Variants in CALCR observed in about 807,000 individuals in gnomAD.
CALCR encodes calcitonin receptor.
In CALCR, 47 loss-of-function variants were observed where a neutral mutation model predicts 59.5. The ratio of observed to expected loss-of-function variants is 0.79; its 90% CI spans 0.63 to 1.01. The LOEUF is 1.01. CALCR is among the 50% of genes least tolerant of loss of function. The pLI, the probability that CALCR is intolerant of heterozygous loss-of-function variation, is 0.00. For synonymous variants in CALCR, 213 were observed against 211.3 expected (o/e 1.01, Z -0.07); for missense variants, 566 against 597.1 (o/e 0.95, Z 0.54).
At chr7:93,521,623 C>A (rs995104047) in intron 2 of CALCR, among the ~76,000 whole-genome samples, 1 of 151,988 alleles carries the variant, frequency 6.6e-6, no homozygotes, top group African/African-American at 2.4e-5. Context: ...CTAAACCATT[C>A]TTTTTGTAGC....
intron 2 of CALCR, among the ~76,000 whole-genome samples, chr7:93,563,501 A>C (rs888055420): frequency 3.3e-5 from 5 of 152,182 alleles, no homozygotes; most frequent in African/African-American, 1.2e-4. Context: ...ATTTGACTCT[A>C]ATTTTTATGA....
intron 2 of CALCR, among the ~76,000 whole-genome samples, chr7:93,528,568 G>C (rs1788742667): frequency 6.6e-6 from 1 of 152,048 alleles, no homozygotes; most frequent in Non-Finnish European, 1.5e-5. Flanking sequence ...GAGAATGATG[G>C]TTTCTAAAAA....
At chr7:93,479,216 C>T (rs771407306) in intron 4 of CALCR, 138 bp downstream of exon 4, 6 of 875,346 alleles carry the variant, frequency 6.9e-6, no homozygotes, top group Non-Finnish European at 8.8e-6. Context: ...ATGAAATACA[C>T]AAACATACCA....
chr7:93,463,522 T>C (rs1800382628), intron 7 of CALCR, among the ~76,000 whole-genome samples: 1 of 151,970 alleles, frequency 6.6e-6, no homozygotes, highest in Admixed American at 6.6e-5. Context: ...ATTGCAAATT[T>C]TTCAAAATTC....
intron 2 of CALCR, among the ~76,000 whole-genome samples, chr7:93,530,954 T>G (rs994306610): frequency 6.6e-6 from 1 of 152,052 alleles, no homozygotes; most frequent in African/African-American, 2.4e-5. Context: ...CCAGAAACTT[T>G]GGTAGTGAGG....
At chr7:93,480,192 C>A (rs1800763280) in intron 3 of CALCR, among the ~76,000 whole-genome samples, 1 of 151,816 alleles carries the variant, frequency 6.6e-6, no homozygotes, top group Non-Finnish European at 1.5e-5. Context: ...TTTTCAGTTT[C>A]AGTTAATCAT....
At chr7:93,535,355 A>G (rs1788957767) in intron 2 of CALCR, among the ~76,000 whole-genome samples, 1 of 151,752 alleles carries the variant, frequency 6.6e-6, no homozygotes, top group East Asian at 1.9e-4. Context: ...TTCCCACTAA[A>G]ATAATTACAC....
intron 2 of CALCR, among the ~76,000 whole-genome samples, chr7:93,514,921 A>G (rs1385319486): frequency 1.3e-5 from 2 of 151,984 alleles, no homozygotes; most frequent in African/African-American, 4.8e-5. Context: ...ATCTAATGGA[A>G]AAGGTAATCT....
At chr7:93,480,937 G>A (rs1256264369) in intron 3 of CALCR, among the ~76,000 whole-genome samples, 3 of 151,790 alleles carry the variant, frequency 2.0e-5, no homozygotes, top group Admixed American at 6.6e-5. Context: ...GCATATTTGA[G>A]GGTAAGAAGG....
At position 93,477,660 on chromosome 7, in the gene CALCR, A is replaced by G; in HGVS notation, c.214T>C (p.Cys72Arg). 1.9e-6 allele frequency: 3 copies of G among 1,601,306 alleles called. No individual in the cohort carries two copies. Among genetic ancestry groups the G allele is most frequent in the Non-Finnish European group, 2.6e-6 (3 of 1,169,344 alleles). The change falls in exon 5 of 14, where the codon TGC becomes CGC. Residue 72 changes from cysteine to arginine, a missense_variant. Cys to Arg is a radical substitution (Grantham distance 180). Coordinates refer to ENST00000426151, the MANE Select transcript of CALCR (RefSeq NM_001742.4). ...AGCCATCCATCCCAGGTGCGATTGCAATATGGACCTGGCCATTTAGAAGGA... is the reference window on the plus strand; with the variant it reads ...AGCCATCCATCCCAGGTGCGATTGCGATATGGACCTGGCCATTTAGAAGGA... ...LPAYQGEGPY[C>R]NRTWDGWLCW...
At chr7:93,460,568 A>G (rs1255499271) in intron 8 of CALCR, among the ~76,000 whole-genome samples, 1 of 80,030 alleles carries the variant, frequency 1.2e-5, no homozygotes, top group Admixed American at 1.2e-4. Flanking sequence ...AAAAAAAAAA[A>G]AAAAATATAT....
At chr7:93,540,943 T>C (rs2116179604) in intron 2 of CALCR, among the ~76,000 whole-genome samples, 1 of 151,930 alleles carries the variant, frequency 6.6e-6, no homozygotes, top group Non-Finnish European at 1.5e-5. Flanking sequence ...AGTTCAATAT[T>C]AATAGCAAAA....
At chr7:93,553,014 G>A (rs767372273) in intron 2 of CALCR, among the ~76,000 whole-genome samples, 4 of 152,130 alleles carry the variant, frequency 2.6e-5, no homozygotes, top group Non-Finnish European at 4.4e-5. Flanking sequence ...GTATCCATCT[G>A]TCTGGCTACA....
chr7:93,534,942 A>T (rs886968980), intron 2 of CALCR, among the ~76,000 whole-genome samples: 8 of 151,780 alleles, frequency 5.3e-5, no homozygotes, highest in African/African-American at 1.7e-4. Context: ...AATCCAGTAG[A>T]GAGACTGACT....
intron 2 of CALCR, among the ~76,000 whole-genome samples, chr7:93,502,862 A>T (rs904593571): frequency 1.3e-5 from 2 of 152,190 alleles, no homozygotes; most frequent in African/African-American, 4.8e-5. Flanking sequence ...GTATGACATA[A>T]TCTGATTTTT....
intron 7 of CALCR, among the ~76,000 whole-genome samples, chr7:93,464,377 A>C (rs530985985): frequency 6.6e-6 from 1 of 152,114 alleles, no homozygotes; most frequent in South Asian, 2.1e-4. Context: ...TTACTGGTGC[A>C]TGGGAAAATA....
intron 8 of CALCR, among the ~76,000 whole-genome samples, chr7:93,454,913 AT>A (rs200413096): frequency 2.5e-5 from 3 of 118,056 alleles, no homozygotes; most frequent in African/African-American, 7.5e-5. Flanking sequence ...AGGACAGGGC[AT>A]TTTGTGTGTG....
intron 2 of CALCR, among the ~76,000 whole-genome samples, chr7:93,492,743 G>A (rs894013415): frequency 6.6e-6 from 1 of 151,252 alleles, no homozygotes; most frequent in African/African-American, 2.4e-5. Context: ...AAGGTTCAAT[G>A]AAATTGCAAA....
intron 2 of CALCR, among the ~76,000 whole-genome samples, chr7:93,507,975 A>C (rs1338455160): frequency 6.6e-6 from 1 of 152,052 alleles, no homozygotes; most frequent in East Asian, 1.9e-4. Flanking sequence ...AAGATGAAGA[A>C]GACAACCTTT....
Sources: gnomAD v4.1 joint callset for allele counts (sites outside exome capture counted in the v4.1 genomes callset) on GRCh38, gnomAD v4.1.1 for gene constraint, MANE v1.5 for transcripts, NCBI Gene and HGNC (gene_info 2026-07-23, HGNC 2026-07-21) for gene names.